MTCL3: variants seen among roughly 807,000 people sequenced by gnomAD.
MTCL3 encodes the protein MTCL family member 3.
At chr6:127,487,607 A>G in the MTCL3 span, among the ~76,000 whole-genome samples, 2 of 152,284 alleles carry the variant, frequency 1.3e-5, no homozygotes, top group East Asian at 3.9e-4. Context: ...AGACTGGCAG[A>G]GGCAGAACAG....
At chr6:127,490,369 C>T in the MTCL3 span, among the ~76,000 whole-genome samples, 1 of 152,176 alleles carries the variant, frequency 6.6e-6, no homozygotes, top group South Asian at 2.1e-4. Context: ...TTCTGCAGCC[C>T]ATAGATCATG....
At chr6:127,506,088 G>T in the MTCL3 span, among the ~76,000 whole-genome samples, 1 of 152,124 alleles carries the variant, frequency 6.6e-6, no homozygotes, top group Admixed American at 6.5e-5. Context: ...AGGTCATAGG[G>T]AATGACAGAT....
chr6:127,476,541 A>G, the MTCL3 span: 1 of 1,202,890 alleles, frequency 8.3e-7, no homozygotes, highest in Non-Finnish European at 1.2e-6. The surrounding 1 kb of genome is among the most constrained non-coding windows in gnomAD (Gnocchi z 4.4). Flanking sequence ...CCAAAAGAGG[A>G]CACCTGGATA....
At chr6:127,511,429 T>A in the MTCL3 span, among the ~76,000 whole-genome samples, 1 of 152,190 alleles carries the variant, frequency 6.6e-6, no homozygotes. Context: ...AATTTCATAT[T>A]TGATCTTTTA....
the MTCL3 span, among the ~76,000 whole-genome samples, chr6:127,488,984 C>T: frequency 3.9e-4 from 59 of 152,272 alleles, 1 homozygote; most frequent in East Asian, 0.011. Flanking sequence ...TTGAGCTTCA[C>T]TGTATTGTAC....
the MTCL3 span, among the ~76,000 whole-genome samples, chr6:127,513,929 T>C: frequency 6.6e-6 from 1 of 152,218 alleles, no homozygotes; most frequent in Non-Finnish European, 1.5e-5. Flanking sequence ...TACTAAGCAC[T>C]CGACAAAAGT....
the MTCL3 span, chr6:127,515,024 G>A: frequency 1.9e-6 from 3 of 1,613,922 alleles, no homozygotes; most frequent in South Asian, 2.2e-5. This position sits in a 1 kb window ranked among gnomAD's most constrained non-coding sequence, Gnocchi z 4.3. Context: ...CGTCCATCTC[G>A]GTTCTCAGCT....
the MTCL3 span, among the ~76,000 whole-genome samples, chr6:127,485,327 G>C: frequency 2.6e-5 from 4 of 152,210 alleles, no homozygotes; most frequent in African/African-American, 7.2e-5. Flanking sequence ...ACCATTTCTG[G>C]GACAGAAATT....
At chr6:127,500,787 C>T in the MTCL3 span, among the ~76,000 whole-genome samples, 2 of 152,086 alleles carry the variant, frequency 1.3e-5, no homozygotes, top group African/African-American at 4.8e-5. Flanking sequence ...AAAGAACAGG[C>T]TGTAGTGTAA....
chr6:127,515,225 T>C, the MTCL3 span, among the ~76,000 whole-genome samples: 8 of 152,146 alleles, frequency 5.3e-5, no homozygotes, highest in Admixed American at 3.9e-4. This position sits in a 1 kb window ranked among gnomAD's most constrained non-coding sequence, Gnocchi z 4.3. Flanking sequence ...AGGCCCACTT[T>C]AGGCCCTCTC....
At chr6:127,483,067 C>T in the MTCL3 span, 81 of 1,086,052 alleles carry the variant, frequency 7.5e-5, no homozygotes, top group African/African-American at 4.8e-4. Flanking sequence ...TAGTCTCAAA[C>T]GACAAAACCA....
At chr6:127,508,511 A>C in the MTCL3 span, among the ~76,000 whole-genome samples, 1 of 152,196 alleles carries the variant, frequency 6.6e-6, no homozygotes, top group Non-Finnish European at 1.5e-5. Flanking sequence ...ATAAAAGTCC[A>C]AGATAGATGG....
At chr6:127,500,128 T>C in the MTCL3 span, among the ~76,000 whole-genome samples, 1 of 152,190 alleles carries the variant, frequency 6.6e-6, no homozygotes, top group East Asian at 1.9e-4. Context: ...TTGAACCATC[T>C]TGGGTGAATT....
chr6:127,518,619 A>T, the MTCL3 span: 1 of 152,288 alleles, frequency 6.6e-6, no homozygotes, highest in Admixed American at 6.5e-5. Context: ...TGAACAAATC[A>T]ACAGCACTTT....
At chr6:127,481,936 G>A in the MTCL3 span, among the ~76,000 whole-genome samples, 3 of 152,264 alleles carry the variant, frequency 2.0e-5, no homozygotes, top group African/African-American at 7.2e-5. Flanking sequence ...CACCAAAACC[G>A]GGAATGACCT....
At chr6:127,487,155 A>C in the MTCL3 span, among the ~76,000 whole-genome samples, 1 of 152,186 alleles carries the variant, frequency 6.6e-6, no homozygotes, top group Non-Finnish European at 1.5e-5. Flanking sequence ...TCAGCTAGCT[A>C]GTGTTAGAAC....
chr6:127,491,693 A>C, the MTCL3 span, among the ~76,000 whole-genome samples: 1 of 151,950 alleles, frequency 6.6e-6, no homozygotes, highest in African/African-American at 2.4e-5. Flanking sequence ...CAATATGGTG[A>C]GACTTTATCT....
chr6:127,473,261 A>G, the MTCL3 span: 1 of 1,502,846 alleles, frequency 6.7e-7, no homozygotes, highest in Non-Finnish European at 8.8e-7. Context: ...TACTACAATG[A>G]ATGGTAAATG....
chr6:127,475,418 G>C, the MTCL3 span: 1 of 1,613,282 alleles, frequency 6.2e-7, no homozygotes, highest in Non-Finnish European at 8.5e-7. The surrounding 1 kb of genome is among the most constrained non-coding windows in gnomAD (Gnocchi z 7.3). Context: ...CGGTAGAGCA[G>C]CTCGTGCTCC....
Sources: allele counts gnomAD v4.1 joint callset (sites outside exome capture counted in the v4.1 genomes callset), GRCh38; gene constraint gnomAD v4.1.1; non-coding constraint Gnocchi (gnomAD v3.1); transcripts MANE v1.5; gene names NCBI Gene and HGNC (gene_info 2026-07-23, HGNC 2026-07-21).